Variants in CNTNAP2 observed in about 807,000 individuals in gnomAD.
CNTNAP2 encodes the protein contactin-associated protein-like 2.
A neutral mutation model predicts 155.2 loss-of-function variants in CNTNAP2; 98 were observed. The ratio of observed to expected loss-of-function variants is 0.63; its 90% CI spans 0.54 to 0.75. CNTNAP2 has a LOEUF of 0.75. Among genes scored for constraint, CNTNAP2 ranks in the 30% least tolerant of loss-of-function variants. CNTNAP2 has a pLI of 0.00. For missense variants in CNTNAP2, 1,727 were observed against 1,688.1 expected, an observed-to-expected ratio of 1.02 and a Z score of -0.40; for synonymous variants, 651 against 631.2, an observed-to-expected ratio of 1.03 and a Z score of -0.47.
At chr7:148,287,302 G>GA (rs1414241843) in intron 21 of CNTNAP2, among the ~76,000 whole-genome samples, 2 of 151,598 alleles carry the variant, frequency 1.3e-5, no homozygotes, top group Non-Finnish European at 2.9e-5. Flanking sequence ...TTTTTGTAAG[G>GA]AAAAAATCAA....
At chr7:146,685,293 G>T (rs1219637578) in intron 1 of CNTNAP2, among the ~76,000 whole-genome samples, 3 of 152,094 alleles carry the variant, frequency 2.0e-5, no homozygotes, top group African/African-American at 7.2e-5. Context: ...AACAATACAT[G>T]CAACTTGAAA....
intron 1 of CNTNAP2, among the ~76,000 whole-genome samples, chr7:146,523,966 C>T (rs886283408): frequency 6.6e-6 from 1 of 152,062 alleles, no homozygotes; most frequent in Non-Finnish European, 1.5e-5. Flanking sequence ...GATAAAAACT[C>T]TAATCTGAAA....
chr7:148,038,458 T>C (rs2116474038), intron 15 of CNTNAP2, among the ~76,000 whole-genome samples: 1 of 152,316 alleles, frequency 6.6e-6, no homozygotes, highest in South Asian at 2.1e-4. Flanking sequence ...CAGAATCCAT[T>C]GTTTCTTCTT....
At position 147,740,953 on chromosome 7, in the gene CNTNAP2, A is replaced by G. The variant is rs115605348; in HGVS notation, c.2098+101647A>G. 9.6e-3 allele frequency among the ~76,000 whole-genome samples: 1,466 copies of G among 152,246 alleles called. 31 individuals carry two copies. Among genetic ancestry groups the G allele is most frequent in the African/African-American group, 0.032 (1,346 of 41,544 alleles). ...CCTCAGGAGTGTCAGAGTTTTCCCA[A>G]CTGGAGGAGAAAAAGCTAGACTGCC... On this transcript the variant is annotated intron_variant, in intron 13 of 23. Transcript: ENST00000361727.
chr7:147,592,564 T>C (rs1272040402), intron 12 of CNTNAP2, among the ~76,000 whole-genome samples: 1 of 152,032 alleles, frequency 6.6e-6, no homozygotes, highest in Non-Finnish European at 1.5e-5. Flanking sequence ...CTTGATTCTA[T>C]GAAATATCCC....
chr7:146,399,727 T>A (rs1013733076), intron 1 of CNTNAP2, among the ~76,000 whole-genome samples: 7 of 152,162 alleles, frequency 4.6e-5, no homozygotes, highest in African/African-American at 1.7e-4. Context: ...CTATTTTTAA[T>A]TTTTTATGAC....
intron 3 of CNTNAP2, among the ~76,000 whole-genome samples, chr7:146,892,475 C>T (rs1028137479): frequency 1.3e-5 from 2 of 152,148 alleles, no homozygotes; most frequent in African/African-American, 2.4e-5. Context: ...TTGTAGCCAT[C>T]TTAATTTATT....
At position 148,229,630 on chromosome 7, in the gene CNTNAP2, C is replaced by A; in HGVS notation, c.3248-16C>A. Reference sequence around the variant, plus strand: ...TAGGGCAAACAAATTACTGAGCTTTCTTTTTTCTTCTATAGGAAGCTTACA... The same window carrying A: ...TAGGGCAAACAAATTACTGAGCTTTATTTTTTCTTCTATAGGAAGCTTACA... On this transcript the variant is annotated splice_polypyrimidine_tract_variant and intron_variant, in intron 19 of 23. Transcript: ENST00000361727. 2 of 1,613,964 alleles carry A rather than the reference C, an allele frequency of 1.2e-6. No individual in the cohort carries two copies. The highest frequency in any genetic ancestry group is 1.7e-5 in the Admixed American group (1 of 59,996).
intron 14 of CNTNAP2, among the ~76,000 whole-genome samples, chr7:147,968,419 C>A (rs1801263754): frequency 6.6e-6 from 1 of 152,188 alleles, no homozygotes; most frequent in African/African-American, 2.4e-5. Flanking sequence ...ACTCTCATTG[C>A]TTCCTAGCAA....
chr7:146,618,819 C>T (rs780056497), intron 1 of CNTNAP2, among the ~76,000 whole-genome samples: 2 of 152,028 alleles, frequency 1.3e-5, no homozygotes, highest in African/African-American at 2.4e-5. Context: ...CCTGTAATCC[C>T]AGCACTTTGG....
At chr7:147,733,990 A>G (rs1223446717) in intron 13 of CNTNAP2, among the ~76,000 whole-genome samples, 1 of 152,124 alleles carries the variant, frequency 6.6e-6, no homozygotes, top group Admixed American at 6.6e-5. Flanking sequence ...CTCTTTTCCT[A>G]ATTGAATGCC....
chr7:147,167,490 G>C, intron 8 of CNTNAP2: 1 of 928,098 alleles, frequency 1.1e-6, no homozygotes, highest in South Asian at 1.5e-5. Flanking sequence ...ACTGGAGGTT[G>C]CCATGGACCC....
chr7:147,122,655 T>A (rs1801144875), intron 6 of CNTNAP2: 1 of 152,132 alleles, frequency 6.6e-6, no homozygotes, highest in Non-Finnish European at 1.5e-5. Context: ...AGACAGCACA[T>A]CATTAAAAGG....
intron 4 of CNTNAP2, among the ~76,000 whole-genome samples, chr7:147,062,668 T>C (rs909279164): frequency 2.0e-5 from 3 of 152,158 alleles, no homozygotes; most frequent in African/African-American, 7.2e-5. Flanking sequence ...CATGGCTGGC[T>C]GAAGGTAAGG....
intron 1 of CNTNAP2, among the ~76,000 whole-genome samples, chr7:146,675,431 A>G (rs1800382085): frequency 6.6e-6 from 1 of 152,224 alleles, no homozygotes; most frequent in Non-Finnish European, 1.5e-5. Flanking sequence ...CCTTGGCTCC[A>G]CCAAGTGACT....
chr7:147,197,122 C>A (rs1035623343), intron 8 of CNTNAP2, among the ~76,000 whole-genome samples: 9 of 152,038 alleles, frequency 5.9e-5, no homozygotes, highest in African/African-American at 2.2e-4. Flanking sequence ...TTGCTTTCTG[C>A]AACCAATCAG....
At chr7:146,784,840 G>A (rs1433403204) in intron 2 of CNTNAP2, among the ~76,000 whole-genome samples, 2 of 152,120 alleles carry the variant, frequency 1.3e-5, no homozygotes, top group Non-Finnish European at 2.9e-5. Context: ...GAAATTTCTG[G>A]AGAATGGTCA....
chr7:147,883,494 A>G (rs1399315013), intron 13 of CNTNAP2, among the ~76,000 whole-genome samples: 1 of 152,222 alleles, frequency 6.6e-6, no homozygotes, highest in Admixed American at 6.5e-5. Context: ...GATAAGCCCA[A>G]TTATGAACAC....
At chr7:146,560,656 G>C (rs1330956623) in intron 1 of CNTNAP2, among the ~76,000 whole-genome samples, 1 of 152,128 alleles carries the variant, frequency 6.6e-6, no homozygotes, top group Non-Finnish European at 1.5e-5. Flanking sequence ...TGTGTCAAGT[G>C]AGTAGAGTGA....
Sources: gnomAD v4.1 joint callset for allele counts (sites outside exome capture counted in the v4.1 genomes callset) on GRCh38, gnomAD v4.1.1 for gene constraint, MANE v1.5 for transcripts, NCBI Gene and HGNC (gene_info 2026-07-23, HGNC 2026-07-21) for gene names.